Variants in BCKDHB observed in about 807,000 individuals in gnomAD.
BCKDHB encodes branched chain keto acid dehydrogenase E1 subunit beta, also known as 2-oxoisovalerate dehydrogenase subunit beta, mitochondrial.
BCKDHB carries 41 observed loss-of-function variants against 48.5 expected under a neutral mutation model. The ratio of observed to expected loss-of-function variants is 0.85; its 90% CI spans 0.66 to 1.10. The LOEUF (loss-of-function observed/expected upper bound fraction) is 1.10. BCKDHB is among the 50% of genes least tolerant of loss of function. The probability of loss-of-function intolerance (pLI) is 0.00; values close to 1 mark genes in which losing one functional copy is unlikely to be tolerated. For synonymous variants in BCKDHB, 201 were observed against 174.8 expected, an observed-to-expected ratio of 1.15 and a Z score of -1.18; for missense variants, 496 against 494.2, an observed-to-expected ratio of 1.00 and a Z score of -0.03.
At chr6:80,155,566 A>G (rs796832885) in intron 3 of BCKDHB, among the ~76,000 whole-genome samples, 2 of 152,194 alleles carry the variant, frequency 1.3e-5, no homozygotes, top group African/African-American at 4.8e-5. Flanking sequence ...GGATTTTGTC[A>G]TTTTGTAATT....
chr6:80,256,428 G>T (rs1479591285), intron 8 of BCKDHB, among the ~76,000 whole-genome samples: 1 of 152,132 alleles, frequency 6.6e-6, no homozygotes, highest in African/African-American at 2.4e-5. Flanking sequence ...AAGTATTTGT[G>T]TATCAAAACA....
At chr6:80,129,040 G>A (rs892843402) in intron 2 of BCKDHB, 121 bp from the exon 3 acceptor site, 34 of 777,200 alleles carry the variant, frequency 4.4e-5, no homozygotes, top group African/African-American at 1.1e-4. Context: ...CCTTGATCGA[G>A]ATCTATGGTC....
intron 9 of BCKDHB, among the ~76,000 whole-genome samples, chr6:80,283,699 C>T (rs1766484766): frequency 6.6e-6 from 1 of 151,886 alleles, no homozygotes; most frequent in Non-Finnish European, 1.5e-5. Context: ...TTGCATTGAT[C>T]CTTGAAAATA....
In BCKDHB at chr6:80,263,158, T is replaced by C. The variant is rs1403806963; in HGVS notation, c.952-9977T>C. 2.0e-5 allele frequency among the ~76,000 whole-genome samples: 3 copies of C among 152,202 alleles called. No homozygotes were observed. In the East Asian group the frequency reaches 5.8e-4, roughly 29 times the overall value. On this transcript the variant is annotated intron_variant, in intron 8 of 9. Transcript: ENST00000320393. ...TTTGACCTTAAGATTTTTGTGCCTC[T>C]GTTGTGCCACTGCTCTCCATTGGGC...
chr6:80,142,715 C>A lies in BCKDHB; in HGVS notation c.343+13486C>A, dbSNP rs574097104. 3.3e-5 allele frequency among the ~76,000 whole-genome samples: 5 copies of A among 152,122 alleles called. No homozygotes were observed. In the South Asian group the frequency reaches 1.0e-3, roughly 32 times the overall value. ...ACATTTTGCTTTTGTGTTTCTTTGACCTAACTTTAAGACTATTAAGTTTAT... is the reference window on the plus strand; with the variant it reads ...ACATTTTGCTTTTGTGTTTCTTTGAACTAACTTTAAGACTATTAAGTTTAT... On this transcript the variant is annotated intron_variant, in intron 3 of 9. Transcript: ENST00000320393.
At chr6:80,239,693 A>G (rs1277205258) in intron 8 of BCKDHB, among the ~76,000 whole-genome samples, 1 of 152,178 alleles carries the variant, frequency 6.6e-6, no homozygotes, top group Non-Finnish European at 1.5e-5. Flanking sequence ...TACGTCCTGA[A>G]TAGTATTGCC....
At chr6:80,219,340 G>A (rs1775309834) in intron 8 of BCKDHB, among the ~76,000 whole-genome samples, 2 of 151,990 alleles carry the variant, frequency 1.3e-5, no homozygotes, top group South Asian at 4.1e-4. Flanking sequence ...CCAAGTAGCT[G>A]GGATTGCAGG....
downstream of BCKDHB, among the ~76,000 whole-genome samples, chr6:80,351,243 C>G (rs1417434893): frequency 1.3e-5 from 2 of 152,122 alleles, no homozygotes; most frequent in Non-Finnish European, 2.9e-5. Context: ...GGCCTATAGT[C>G]TTCAGATAGA....
intron 1 of BCKDHB, among the ~76,000 whole-genome samples, chr6:80,108,935 T>C (rs1769273553): frequency 1.3e-5 from 2 of 152,216 alleles, no homozygotes; most frequent in South Asian, 4.1e-4. Flanking sequence ...GGGTGTATCC[T>C]TACAGGTATT....
chr6:80,200,151 T>C (rs1029337737), intron 6 of BCKDHB, among the ~76,000 whole-genome samples: 6 of 152,080 alleles, frequency 3.9e-5, no homozygotes, highest in Non-Finnish European at 5.9e-5. Flanking sequence ...TCAATTTTAT[T>C]TTGAAATTCA....
chr6:80,210,788 A>G lies in BCKDHB; in HGVS notation c.951+7576A>G, dbSNP rs114905481. Among the ~76,000 whole-genome samples, 453 of 152,230 alleles carry G rather than the reference A, an allele frequency of 3.0e-3. 1 individual carries two copies. Among genetic ancestry groups the G allele is most frequent in the African/African-American group, 0.011 (438 of 41,532 alleles). On this transcript the variant is annotated intron_variant, in intron 8 of 9. Coordinates refer to ENST00000320393, the MANE Select transcript of BCKDHB (RefSeq NM_183050.4). ...CAGCTCAGCTGTCATGCTGATGTGA[A>G]ACAGGAGCTCATAAGTAGGGCTGTT... is the stretch of plus-strand genomic sequence containing the variant.
the BCKDHB span, among the ~76,000 whole-genome samples, chr6:80,367,146 GT>G: frequency 1.3e-5 from 2 of 151,982 alleles, no homozygotes; most frequent in Non-Finnish European, 2.9e-5. Context: ...GAGTTCCCTT[GT>G]TTGAAAAGCA....
chr6:80,208,320 A>T (rs190515893), intron 8 of BCKDHB, among the ~76,000 whole-genome samples: 7 of 151,916 alleles, frequency 4.6e-5, no homozygotes, highest in Admixed American at 2.6e-4. Flanking sequence ...TTCAAGAACC[A>T]GCTTAAGCCA....
At chr6:80,429,460 G>T in the BCKDHB span, among the ~76,000 whole-genome samples, 66 of 152,252 alleles carry the variant, frequency 4.3e-4, no homozygotes, top group African/African-American at 1.5e-3. Context: ...AAACTACTTT[G>T]GGCAGTATGG....
the BCKDHB span, among the ~76,000 whole-genome samples, chr6:80,411,221 A>T: frequency 5.2e-4 from 79 of 151,984 alleles, no homozygotes; most frequent in African/African-American, 1.8e-3. Context: ...GGTCTGTTGG[A>T]GTTTGCTGGA....
chr6:80,222,994 G>T (rs1413027059), intron 8 of BCKDHB, among the ~76,000 whole-genome samples: 1 of 152,162 alleles, frequency 6.6e-6, no homozygotes, highest in African/African-American at 2.4e-5. Context: ...GTTGATGAAG[G>T]TAGGGATGTT....
the BCKDHB span, among the ~76,000 whole-genome samples, chr6:80,390,313 G>A: frequency 1.8e-5 from 1 of 55,672 alleles, no homozygotes; most frequent in Non-Finnish European, 4.0e-5. Context: ...GAAGGTTTGG[G>A]TCACTCCGCC....
At chr6:80,413,953 T>A in the BCKDHB span, among the ~76,000 whole-genome samples, 2 of 152,114 alleles carry the variant, frequency 1.3e-5, no homozygotes, top group South Asian at 4.1e-4. Context: ...TGCAACCTTG[T>A]CAGCATCTGT....
chr6:80,376,306 G>A, the BCKDHB span, among the ~76,000 whole-genome samples: 1 of 151,988 alleles, frequency 6.6e-6, no homozygotes, highest in Admixed American at 6.6e-5. Flanking sequence ...GCAGACACAG[G>A]CCTCACCCAG....
Sources: allele counts gnomAD v4.1 joint callset (sites outside exome capture counted in the v4.1 genomes callset), GRCh38; gene constraint gnomAD v4.1.1; transcripts MANE v1.5; gene names NCBI Gene and HGNC (gene_info 2026-07-23, HGNC 2026-07-21).